Variants in NYAP2 observed in about 807,000 individuals in gnomAD.
The protein encoded by NYAP2 is neuronal tyrosine-phosphorylated phosphoinositide-3-kinase adaptor 2.
A neutral mutation model predicts 50.4 loss-of-function variants in NYAP2; 23 were observed. That is an observed-to-expected ratio of 0.46 (90% CI 0.33 to 0.65). The LOEUF (loss-of-function observed/expected upper bound fraction) is 0.65, where lower values mean the gene tolerates loss of function less well. Ranked by LOEUF, NYAP2 falls within the 30% of genes least tolerant of loss-of-function variation. The pLI is 0.02. For missense variants in NYAP2, 885 were observed against 861.0 expected, an observed-to-expected ratio of 1.03 and a Z score of -0.35; for synonymous variants, 394 against 365.2, an observed-to-expected ratio of 1.08 and a Z score of -0.90.
At chr2:225,701,793 C>T in the NYAP2 span, 1 of 151,726 alleles carries the variant, frequency 6.6e-6, no homozygotes, top group African/African-American at 2.4e-5. Flanking sequence ...CTAGATACAA[C>T]TTTACTTTCC....
At chr2:225,475,931 G>T (rs1690097035) in intron 3 of NYAP2, among the ~76,000 whole-genome samples, 2 of 152,204 alleles carry the variant, frequency 1.3e-5, no homozygotes, top group Admixed American at 1.3e-4. Flanking sequence ...ACAGAAGCCT[G>T]CAGAGCTTCC....
At chr2:225,597,716 G>T (rs1692630311) in intron 5 of NYAP2, among the ~76,000 whole-genome samples, 1 of 150,580 alleles carries the variant, frequency 6.6e-6, no homozygotes. Flanking sequence ...CGTTCTTTTA[G>T]GAAAAGCCAA....
intron 2 of NYAP2, among the ~76,000 whole-genome samples, chr2:225,403,857 T>G (rs981303135): frequency 2.0e-5 from 3 of 152,032 alleles, no homozygotes; most frequent in African/African-American, 7.2e-5. Context: ...TCAGTGTACA[T>G]GTCCATTCTA....
chr2:225,621,088 T>C (rs977543371), intron 5 of NYAP2, among the ~76,000 whole-genome samples: 3 of 129,952 alleles, frequency 2.3e-5, no homozygotes, highest in African/African-American at 9.0e-5. Context: ...CACTCCAGCC[T>C]GGGCGACCAG....
At chr2:225,409,398 C>T (rs938892611) in intron 3 of NYAP2, among the ~76,000 whole-genome samples, 31 of 152,042 alleles carry the variant, frequency 2.0e-4, no homozygotes, top group African/African-American at 5.8e-4. Flanking sequence ...TTGGCAAAGA[C>T]GCAAGGGAAC....
chr2:225,546,722 C>G lies in NYAP2; in HGVS notation c.523+33050C>G, dbSNP rs373363271. 8.5e-5 allele frequency among the ~76,000 whole-genome samples: 13 copies of G among 152,112 alleles called. No homozygotes were observed. The South Asian group carries it at 1.5e-3, about 17-fold the overall frequency. Reference sequence around the variant, plus strand: ...GCACCTAAAATGAAAGACTAAGTCCCCTTTACTTTTCTGTCTGGTTTTCTC... The same window carrying G: ...GCACCTAAAATGAAAGACTAAGTCCGCTTTACTTTTCTGTCTGGTTTTCTC... On this transcript the variant is annotated intron_variant, in intron 4 of 6. Coordinates refer to ENST00000636099, the Ensembl canonical transcript of NYAP2.
At chr2:225,488,375 G>A (rs1265934349) in intron 3 of NYAP2, among the ~76,000 whole-genome samples, 1 of 152,080 alleles carries the variant, frequency 6.6e-6, no homozygotes, top group Non-Finnish European at 1.5e-5. Flanking sequence ...TATTTCATCT[G>A]TTTTATATGA....
chr2:225,590,979 G>T (rs144215576), intron 5 of NYAP2, among the ~76,000 whole-genome samples: 143 of 152,318 alleles, frequency 9.4e-4, no homozygotes, highest in Middle Eastern at 3.4e-3. Flanking sequence ...ACTGATAAAA[G>T]CTGCTTCAGA....
chr2:225,519,576 C>T (rs544191001), intron 4 of NYAP2, among the ~76,000 whole-genome samples: 1 of 152,162 alleles, frequency 6.6e-6, no homozygotes, highest in East Asian at 1.9e-4. Context: ...CCAGCTTCAT[C>T]CATGTCCCTA....
intron 4 of NYAP2, among the ~76,000 whole-genome samples, chr2:225,536,588 G>C: frequency 6.6e-6 from 1 of 152,092 alleles, no homozygotes; most frequent in East Asian, 1.9e-4. Context: ...GGGTACATAA[G>C]ATATTTTTAT....
intron 6 of NYAP2, among the ~76,000 whole-genome samples, chr2:225,647,560 C>T (rs889829518): frequency 6.6e-6 from 1 of 151,938 alleles, no homozygotes; most frequent in African/African-American, 2.4e-5. Context: ...GGTAAGTAGG[C>T]GAGAGAGGCT....
At chr2:225,630,269 A>G (rs894215176) in intron 6 of NYAP2, among the ~76,000 whole-genome samples, 1 of 152,206 alleles carries the variant, frequency 6.6e-6, no homozygotes, top group Non-Finnish European at 1.5e-5. Flanking sequence ...GGCTTAGCAA[A>G]TAATAGCCCT....
the NYAP2 span, among the ~76,000 whole-genome samples, chr2:225,673,556 A>G: frequency 6.6e-6 from 1 of 152,096 alleles, no homozygotes; most frequent in Non-Finnish European, 1.5e-5. Flanking sequence ...AATACACACA[A>G]TCTTTGGATT....
chr2:225,633,216 C>A (rs1574720998), intron 6 of NYAP2, among the ~76,000 whole-genome samples: 1 of 152,182 alleles, frequency 6.6e-6, no homozygotes, highest in Non-Finnish European at 1.5e-5. Context: ...GGCTTATGAA[C>A]AAAGTGGTAT....
intron 4 of NYAP2, among the ~76,000 whole-genome samples, chr2:225,513,955 A>G (rs1222975071): frequency 2.0e-5 from 3 of 152,256 alleles, no homozygotes; most frequent in Non-Finnish European, 4.4e-5. Context: ...AAATATATCT[A>G]AAAGTTATAT....
At chr2:225,430,571 A>G (rs895063238) in intron 3 of NYAP2, among the ~76,000 whole-genome samples, 4 of 152,204 alleles carry the variant, frequency 2.6e-5, no homozygotes, top group African/African-American at 2.4e-5. Flanking sequence ...CATTGCATAT[A>G]TTAACTCACA....
At chr2:225,562,404 T>C (rs1691890910) in intron 4 of NYAP2, among the ~76,000 whole-genome samples, 1 of 152,126 alleles carries the variant, frequency 6.6e-6, no homozygotes, top group African/African-American at 2.4e-5. Context: ...GGAATTTCTG[T>C]TATTGTTTTA....
At chr2:225,473,865 T>A (rs532022642) in intron 3 of NYAP2, among the ~76,000 whole-genome samples, 68 of 152,376 alleles carry the variant, frequency 4.5e-4, no homozygotes, top group Admixed American at 1.4e-3. Context: ...TTTGGTGCTT[T>A]AGACATGAAG....
chr2:225,621,742 C>T (rs1007919505), intron 5 of NYAP2, among the ~76,000 whole-genome samples: 4 of 150,870 alleles, frequency 2.7e-5, no homozygotes, highest in Non-Finnish European at 4.4e-5. Flanking sequence ...TAAGTTCTGG[C>T]ATACATGTGC....
Sources: allele counts gnomAD v4.1 joint callset (sites outside exome capture counted in the v4.1 genomes callset), GRCh38; gene constraint gnomAD v4.1.1; transcripts MANE v1.5; gene names NCBI Gene and HGNC (gene_info 2026-07-23, HGNC 2026-07-21).